The following MYO1D variants were observed in gnomAD, a reference collection of about 807,000 sequenced individuals.
MYO1D encodes unconventional myosin-Id.
MYO1D carries 83 observed loss-of-function variants against 122.0 expected under a neutral mutation model. The ratio of observed to expected loss-of-function variants is 0.68; its 90% confidence interval spans 0.57 to 0.82. The LOEUF (loss-of-function observed/expected upper bound fraction) is 0.82. Among genes scored for constraint, MYO1D ranks in the 40% least tolerant of loss-of-function variants. The pLI is 0.00. For missense variants in MYO1D, 1,157 were observed against 1,269.5 expected (o/e 0.91, Z 1.35); for synonymous variants, 464 against 446.9 (o/e 1.04, Z -0.48).
intron 16 of MYO1D, among the ~76,000 whole-genome samples, chr17:32,677,723 G>A (rs537136860): frequency 1.4e-4 from 21 of 151,816 alleles, no homozygotes; most frequent in Non-Finnish European, 2.6e-4. Context: ...ATAAATGAGT[G>A]GTTTCATTCG....
At chr17:32,553,897 A>ATT (rs1435072150) in intron 21 of MYO1D, among the ~76,000 whole-genome samples, 2 of 152,274 alleles carry the variant, frequency 1.3e-5, no homozygotes, top group African/African-American at 4.8e-5. Context: ...CACTGCTTAG[A>ATT]TATTTCCACC....
intron 20 of MYO1D, among the ~76,000 whole-genome samples, chr17:32,617,731 G>A (rs2087793004): frequency 6.6e-6 from 1 of 152,172 alleles, no homozygotes; most frequent in African/African-American, 2.4e-5. Flanking sequence ...ATGAGCCACT[G>A]CTCGCGGCCC....
intron 1 of MYO1D, among the ~76,000 whole-genome samples, chr17:32,801,195 T>C (rs550298220): frequency 6.6e-6 from 1 of 152,332 alleles, no homozygotes; most frequent in South Asian, 2.1e-4. Context: ...CTTAAACAAG[T>C]CTTACATCTT....
At chr17:32,560,575 A>ATATATG (rs2087114680) in intron 21 of MYO1D, among the ~76,000 whole-genome samples, 1 of 114,310 alleles carries the variant, frequency 8.7e-6, no homozygotes, top group African/African-American at 3.4e-5. Context: ...ATATATATAT[A>ATATATG]TAACTTTTAT....
intron 16 of MYO1D, among the ~76,000 whole-genome samples, chr17:32,688,824 G>C (rs2089056134): frequency 6.6e-6 from 1 of 152,040 alleles, no homozygotes; most frequent in African/African-American, 2.4e-5. Flanking sequence ...ACACAGAAGT[G>C]GTTTAGGGGC....
intron 21 of MYO1D, among the ~76,000 whole-genome samples, chr17:32,554,103 A>G (rs1162793964): frequency 6.6e-6 from 1 of 152,186 alleles, no homozygotes; most frequent in Non-Finnish European, 1.5e-5. Flanking sequence ...ACCTACAGCC[A>G]TTCAGTTGCC....
chr17:32,501,088 C>T (rs927262673), intron 21 of MYO1D, among the ~76,000 whole-genome samples: 2 of 151,838 alleles, frequency 1.3e-5, no homozygotes, highest in African/African-American at 4.8e-5. Flanking sequence ...TATCACCCAG[C>T]GATTCCACTC....
intron 20 of MYO1D, among the ~76,000 whole-genome samples, chr17:32,611,202 A>T (rs936365705): frequency 1.3e-5 from 2 of 152,262 alleles, no homozygotes; most frequent in African/African-American, 4.8e-5. Flanking sequence ...CTCACTATAC[A>T]AGAAAATCTC....
chr17:32,832,095 T>C (rs1404535049), intron 1 of MYO1D, among the ~76,000 whole-genome samples: 4 of 151,976 alleles, frequency 2.6e-5, no homozygotes, highest in Non-Finnish European at 4.4e-5. Flanking sequence ...ATGTATAATA[T>C]GGGGGTTTTC....
intron 14 of MYO1D, among the ~76,000 whole-genome samples, chr17:32,722,721 C>T (rs2089526557): frequency 6.6e-6 from 1 of 152,204 alleles, no homozygotes; most frequent in Non-Finnish European, 1.5e-5. Flanking sequence ...ATGTGGACAT[C>T]TGGGATGACT....
intron 21 of MYO1D, among the ~76,000 whole-genome samples, chr17:32,595,195 TAG>T (rs2087479763): frequency 6.6e-6 from 1 of 152,120 alleles, no homozygotes; most frequent in Non-Finnish European, 1.5e-5. Flanking sequence ...AAATTACAGC[TAG>T]AGAGGAGGAA....
In MYO1D at chr17:32,745,235, T is replaced by A; in HGVS notation, c.1589A>T (p.Asp530Val). 1 of 1,540,074 alleles carries A rather than the reference T, an allele frequency of 6.5e-7. No individual in the cohort carries two copies. The highest frequency in any genetic ancestry group is 8.9e-7 in the Non-Finnish European group (1 of 1,118,976). ...CCTGTTATACATAAGGCGCTTGAAA[T>A]CTTGAAATAAAGTATCTTTATTTTT... is the stretch of plus-strand genomic sequence containing the variant. ...IDKNKDTLFQ[D>V]FKRLMYNSSN... The change falls in exon 13 of 22, where the codon GAT (aspartate) becomes GTT (valine). Residue 530 changes from aspartate to valine, a missense_variant. Physicochemically the swap from Asp to Val is radical, Grantham distance 152. Coordinates refer to ENST00000318217, the MANE Select transcript of MYO1D (RefSeq NM_015194.3).
At chr17:32,529,349 G>A (rs1294173150) in intron 21 of MYO1D, among the ~76,000 whole-genome samples, 1 of 149,154 alleles carries the variant, frequency 6.7e-6, no homozygotes, top group African/African-American at 2.5e-5. Context: ...CTCCAGAGAC[G>A]TGAGCTGCCT....
chr17:32,683,649 T>G (rs527712967), intron 16 of MYO1D, among the ~76,000 whole-genome samples: 278 of 151,846 alleles, frequency 1.8e-3, no homozygotes, highest in African/African-American at 6.2e-3. Flanking sequence ...ACTGCTCTCT[T>G]CAAAGCTGTC....
intron 18 of MYO1D, 66 bp downstream of exon 18, chr17:32,654,411 G>T: frequency 6.7e-7 from 1 of 1,493,210 alleles, no homozygotes; most frequent in Non-Finnish European, 9.0e-7. Context: ...ATTCTTTGGA[G>T]ATATGTACTT....
intron 16 of MYO1D, among the ~76,000 whole-genome samples, chr17:32,673,799 T>C (rs2088761045): frequency 6.6e-6 from 1 of 152,218 alleles, no homozygotes; most frequent in Admixed American, 6.5e-5. Context: ...TCATCGATAG[T>C]TCTTAATTGT....
intron 21 of MYO1D, among the ~76,000 whole-genome samples, chr17:32,573,871 A>G (rs931129932): frequency 1.1e-4 from 16 of 151,536 alleles, no homozygotes; most frequent in African/African-American, 3.9e-4. Context: ...TTATTTTTTG[A>G]GACGGAGTCT....
chr17:32,783,975 C>G (rs905268357), intron 1 of MYO1D, among the ~76,000 whole-genome samples: 10 of 152,098 alleles, frequency 6.6e-5, no homozygotes, highest in African/African-American at 2.4e-4. Flanking sequence ...GGGTCAAACC[C>G]TGGGAATTAA....
chr17:32,598,809 A>C (rs1167326969), intron 21 of MYO1D, among the ~76,000 whole-genome samples: 1 of 152,252 alleles, frequency 6.6e-6, no homozygotes, highest in Non-Finnish European at 1.5e-5. Context: ...AAAAGAACAT[A>C]AGCAAACTAT....
Sources: gnomAD v4.1 joint callset for allele counts (sites outside exome capture counted in the v4.1 genomes callset) on GRCh38, gnomAD v4.1.1 for gene constraint, MANE v1.5 for transcripts, NCBI Gene and HGNC (gene_info 2026-07-23, HGNC 2026-07-21) for gene names.